The following TUB variants were observed in gnomAD, a reference collection of about 807,000 sequenced individuals.
TUB encodes the protein tubby protein homolog.
A neutral mutation model predicts 59.7 loss-of-function variants in TUB; 33 were observed. The ratio of observed to expected loss-of-function variants is 0.55; its 90% CI spans 0.42 to 0.74. The LOEUF (loss-of-function observed/expected upper bound fraction) is 0.74, where lower values mean the gene tolerates loss of function less well. Ranked by LOEUF, TUB falls within the 30% of genes least tolerant of loss-of-function variation. TUB has a pLI of 0.00. For synonymous variants in TUB, 293 were observed against 256.4 expected (o/e 1.14, Z -1.36); for missense variants, 659 against 672.0 (o/e 0.98, Z 0.21).
At chr11:8,044,167 A>AT (rs1397232206) in intron 2 of TUB, among the ~76,000 whole-genome samples, 2 of 151,964 alleles carry the variant, frequency 1.3e-5, no homozygotes, top group East Asian at 3.9e-4. Context: ...TTCTTCTAAT[A>AT]TTTTTTCTGA....
At chr11:8,064,839 A>G (rs961417985) in intron 2 of TUB, among the ~76,000 whole-genome samples, 1 of 152,238 alleles carries the variant, frequency 6.6e-6, no homozygotes, top group African/African-American at 2.4e-5. Flanking sequence ...GGCAGGAGGA[A>G]CTAGCATAGG....
At position 8,094,028 on chromosome 11, in the gene TUB, G is replaced by A; in HGVS notation, c.254-18G>A. The A allele has an allele frequency of 3.1e-6, 5 of 1,614,102 alleles. No individual in the cohort carries two copies. Among genetic ancestry groups the A allele is most frequent in the Non-Finnish European group, 4.2e-6 (5 of 1,180,028 alleles). On this transcript the variant is annotated intron_variant, in intron 3 of 11. Transcript: ENST00000299506. The stretch of plus-strand genomic sequence containing the variant: ...CTGCCTGTTTCTCTCTCTCCATCTG[G>A]GGATGTTTCCTGAGCAGTTCAAGAG...
At chr11:8,041,048 G>A (rs1942742922) in intron 2 of TUB, among the ~76,000 whole-genome samples, 1 of 152,218 alleles carries the variant, frequency 6.6e-6, no homozygotes, top group Admixed American at 6.5e-5. Flanking sequence ...CACTGTGTGG[G>A]AGTCAAGGGG....
At chr11:8,035,092 A>G (rs1942627905), upstream of TUB, among the ~76,000 whole-genome samples, 2 of 152,314 alleles carry the variant, frequency 1.3e-5, no homozygotes, top group East Asian at 1.9e-4. Context: ...GAGGCTAGAA[A>G]GACATTGACC....
intron 1 of TUB, chr11:8,039,632 T>C (rs1345558673): frequency 6.8e-6 from 10 of 1,477,048 alleles, no homozygotes; most frequent in Non-Finnish European, 9.0e-6. Context: ...TCACCCCTTC[T>C]TTTCCTCCTC....
chr11:8,050,163 C>T (rs746085303), intron 2 of TUB, among the ~76,000 whole-genome samples: 6 of 152,114 alleles, frequency 3.9e-5, no homozygotes, highest in East Asian at 3.8e-4. Flanking sequence ...TGTAGTTATA[C>T]GGTAGTTCAT....
At chr11:8,074,120 T>C (rs1294586734) in intron 2 of TUB, among the ~76,000 whole-genome samples, 1 of 152,124 alleles carries the variant, frequency 6.6e-6, no homozygotes, top group Non-Finnish European at 1.5e-5. Context: ...CAAATCTATT[T>C]TGTACCAATA....
chr11:8,055,150 A>T (rs1181609909), intron 2 of TUB, among the ~76,000 whole-genome samples: 1 of 152,162 alleles, frequency 6.6e-6, no homozygotes, highest in Non-Finnish European at 1.5e-5. Context: ...TTCTGCAAGG[A>T]CCAGGATGTA....
At chr11:8,019,714 G>A (rs1197924568) in intron 1 of TUB, among the ~76,000 whole-genome samples, 1 of 151,838 alleles carries the variant, frequency 6.6e-6, no homozygotes, top group African/African-American at 2.4e-5. Flanking sequence ...GCAGGGGCCG[G>A]GGTGGGCCCC....
chr11:8,081,153 TGCGGG>T (rs1166798800), upstream of TUB, among the ~76,000 whole-genome samples: 45 of 8,958 alleles, frequency 5.0e-3, no homozygotes, highest in East Asian at 0.011. Flanking sequence ...GTGGGGTCTC[TGCGGG>T]GCGGGGCGGG....
At chr11:8,101,025 G>A in intron 11 of TUB, 28 bp downstream of exon 11, 2 of 1,613,330 alleles carry the variant, frequency 1.2e-6, no homozygotes, top group Non-Finnish European at 1.7e-6. Flanking sequence ...TACTCATTAT[G>A]GTCCGTAGGA....
intron 3 of TUB, 52 bp downstream of exon 3, chr11:8,090,283 A>G: frequency 6.3e-7 from 1 of 1,596,738 alleles, no homozygotes; most frequent in Non-Finnish European, 8.5e-7. Context: ...GGAGCCCGTC[A>G]CTTCCTGCCC....
Position 8,097,802 on chromosome 11 carries a change from G to C in TUB, c.974G>C (p.Gly325Ala). ...GACCCAACAGACTTGTCTCGAGGAG[G>C]GGACAGCTATATCGGGAAACTGCGG... Reference protein sequence around the residue: ...SVDPTDLSRGGDSYIGKLRSN... With the variant: ...SVDPTDLSRGADSYIGKLRSN... Residue 325 changes from glycine (G) to alanine (A), a missense_variant, in exon 8 of 12, where the codon GGG (glycine) becomes GCG (alanine). Physicochemically the swap from Gly to Ala is moderately conservative, Grantham distance 60 (BLOSUM62 0). Around this residue, in one of 3 missense-constraint regions of TUB, gnomAD observed 112 missense variants for 156.9 expected, o/e 0.71. Coordinates refer to ENST00000299506, the MANE Select transcript of TUB (RefSeq NM_177972.3). 6.2e-7 allele frequency: 1 copy of C among 1,613,986 alleles called. No individual in the cohort carries two copies. The highest frequency in any genetic ancestry group is 1.1e-5 in the South Asian group (1 of 91,034).
At chr11:8,091,814 CCTTT>C (rs776287401) in intron 3 of TUB, among the ~76,000 whole-genome samples, 16 of 152,196 alleles carry the variant, frequency 1.1e-4, no homozygotes, top group Non-Finnish European at 1.5e-4. Flanking sequence ...TCCTCCACTT[CCTTT>C]GTGAGTGCCA....
At chr11:8,060,698 T>A (rs930882313) in intron 2 of TUB, among the ~76,000 whole-genome samples, 1 of 152,172 alleles carries the variant, frequency 6.6e-6, no homozygotes, top group Non-Finnish European at 1.5e-5. Context: ...CCAGAGCCAC[T>A]TGCATTTATG....
chr11:8,097,545 C>A, intron 7 of TUB, 120 bp downstream of exon 7: 1 of 1,417,104 alleles, frequency 7.1e-7, no homozygotes, highest in Non-Finnish European at 9.8e-7. Context: ...AAAGAAACTG[C>A]CTTCGTGTCT....
At chr11:8,074,427 A>T (rs113813287) in intron 2 of TUB, among the ~76,000 whole-genome samples, 1 of 152,094 alleles carries the variant, frequency 6.6e-6, no homozygotes, top group Admixed American at 6.5e-5. Flanking sequence ...TGATAAATCC[A>T]TTACTTTGTC....
intron 1 of TUB, among the ~76,000 whole-genome samples, chr11:8,032,017 G>T (rs1237812357): frequency 6.6e-6 from 1 of 152,198 alleles, no homozygotes; most frequent in Non-Finnish European, 1.5e-5. Context: ...GGCTGGAGGG[G>T]CAGCAGCTGG....
chr11:8,057,975 C>T (rs1374801880), intron 2 of TUB, among the ~76,000 whole-genome samples: 2 of 151,872 alleles, frequency 1.3e-5, no homozygotes, highest in East Asian at 3.9e-4. Flanking sequence ...TTTGGGAGGC[C>T]GAGGCAGGAG....
Sources: gnomAD v4.1 joint callset for allele counts (sites outside exome capture counted in the v4.1 genomes callset) on GRCh38, gnomAD v4.1.1 for gene constraint, gnomAD v4.1.1 regional missense constraint, MANE v1.5 for transcripts, NCBI Gene and HGNC (gene_info 2026-07-23, HGNC 2026-07-21) for gene names.